CENPW: variants seen among roughly 807,000 people sequenced by gnomAD.
The protein encoded by CENPW is cancer-up-regulated gene 2 protein.
A neutral mutation model predicts 11.1 loss-of-function variants in CENPW; 3 were observed. The observed-to-expected ratio is 0.27, with a 90% CI of 0.12 to 0.70. The LOEUF (loss-of-function observed/expected upper bound fraction) is 0.70, where lower values mean the gene tolerates loss of function less well. CENPW is among the 30% of genes least tolerant of loss of function. The pLI is 0.77. For missense variants in CENPW, 100 were observed against 105.6 expected, an observed-to-expected ratio of 0.95 and a Z score of 0.23; for synonymous variants, 38 against 42.0, an observed-to-expected ratio of 0.91 and a Z score of 0.37.
chr6:126,475,947 CTG>C, the CENPW span, among the ~76,000 whole-genome samples: 1 of 152,058 alleles, frequency 6.6e-6, no homozygotes, highest in South Asian at 2.1e-4. Flanking sequence ...GGGAAACTGT[CTG>C]TGTCACGTTA....
the CENPW span, among the ~76,000 whole-genome samples, chr6:126,413,905 A>C: frequency 6.6e-6 from 1 of 152,074 alleles, no homozygotes; most frequent in South Asian, 2.1e-4. Context: ...TGACCCAACT[A>C]TATGCTACTT....
At chr6:126,432,289 C>CT in the CENPW span, among the ~76,000 whole-genome samples, 3 of 152,006 alleles carry the variant, frequency 2.0e-5, no homozygotes, top group East Asian at 5.8e-4. Context: ...TTAGAAAATA[C>CT]TTTGAGTGTA....
chr6:126,477,307 A>G, the CENPW span, among the ~76,000 whole-genome samples: 15 of 152,100 alleles, frequency 9.9e-5, no homozygotes, highest in African/African-American at 3.6e-4. Flanking sequence ...TAACATTAAT[A>G]ACATGGCAGA....
At chr6:126,451,077 T>G in the CENPW span, among the ~76,000 whole-genome samples, 1 of 151,086 alleles carries the variant, frequency 6.6e-6, no homozygotes, top group African/African-American at 2.4e-5. Flanking sequence ...TAATTCTGTT[T>G]CAGCAAATAT....
chr6:126,378,221 C>T, the CENPW span, among the ~76,000 whole-genome samples: 3 of 152,016 alleles, frequency 2.0e-5, no homozygotes, highest in South Asian at 2.1e-4. Context: ...TTTTGCAGCT[C>T]GAGCATTTGT....
chr6:126,454,537 C>A, the CENPW span, among the ~76,000 whole-genome samples: 2 of 151,254 alleles, frequency 1.3e-5, no homozygotes, highest in South Asian at 4.2e-4. Flanking sequence ...AACAAAGGTA[C>A]AACATACCAG....
chr6:126,377,010 C>A, the CENPW span, among the ~76,000 whole-genome samples: 1 of 152,048 alleles, frequency 6.6e-6, no homozygotes, highest in African/African-American at 2.4e-5. Flanking sequence ...TCAATTAAAT[C>A]ATTTCTTTAA....
chr6:126,360,001 G>T, the CENPW span, among the ~76,000 whole-genome samples: 3 of 152,066 alleles, frequency 2.0e-5, no homozygotes, highest in Non-Finnish European at 4.4e-5. Flanking sequence ...AGACTTGATT[G>T]TGTAGGTGCT....
chr6:126,475,758 CT>C, the CENPW span, among the ~76,000 whole-genome samples: 1 of 151,896 alleles, frequency 6.6e-6, no homozygotes, highest in Non-Finnish European at 1.5e-5. Context: ...GACATAGGGT[CT>C]TTGAAAACAC....
the CENPW span, among the ~76,000 whole-genome samples, chr6:126,388,634 T>C: frequency 6.6e-6 from 1 of 151,940 alleles, no homozygotes; most frequent in African/African-American, 2.4e-5. Flanking sequence ...AGAGAATGCA[T>C]GGGACGTTGC....
the CENPW span, among the ~76,000 whole-genome samples, chr6:126,403,821 AAAC>A: frequency 8.1e-4 from 124 of 152,252 alleles, no homozygotes; most frequent in African/African-American, 2.8e-3. Flanking sequence ...TTGTTACACT[AAAC>A]AACACATTTT....
downstream of CENPW, among the ~76,000 whole-genome samples, chr6:126,352,357 A>G (rs1780501597): frequency 1.3e-5 from 2 of 152,146 alleles, no homozygotes; most frequent in South Asian, 2.1e-4. Flanking sequence ...TGAGTTGCCA[A>G]AATGGCAAAA....
At chr6:126,435,777 T>A in the CENPW span, among the ~76,000 whole-genome samples, 1 of 151,928 alleles carries the variant, frequency 6.6e-6, no homozygotes, top group African/African-American at 2.4e-5. Flanking sequence ...TTTGGACCAC[T>A]GCCCTTCCCA....
the CENPW span, among the ~76,000 whole-genome samples, chr6:126,365,016 A>G: frequency 2.0e-5 from 3 of 152,238 alleles, no homozygotes; most frequent in Non-Finnish European, 4.4e-5. Flanking sequence ...AAAATTGCAC[A>G]TGGCAGGCAT....
the CENPW span, among the ~76,000 whole-genome samples, chr6:126,472,764 C>T: frequency 5.5e-3 from 836 of 152,300 alleles, 12 homozygotes; most frequent in African/African-American, 0.019. Flanking sequence ...AGCTGTTCAG[C>T]ATATGAGAGT....
the CENPW span, among the ~76,000 whole-genome samples, chr6:126,436,388 C>G: frequency 6.6e-6 from 1 of 151,834 alleles, no homozygotes; most frequent in African/African-American, 2.4e-5. Flanking sequence ...GATCACAAAT[C>G]TGTTAGTTGA....
chr6:126,449,490 A>G, the CENPW span, among the ~76,000 whole-genome samples: 1 of 151,008 alleles, frequency 6.6e-6, no homozygotes, highest in South Asian at 2.1e-4. Context: ...TCTTTAGTGT[A>G]TTGCTAACCA....
At chr6:126,482,705 G>T in the CENPW span, among the ~76,000 whole-genome samples, 1 of 151,764 alleles carries the variant, frequency 6.6e-6, no homozygotes, top group South Asian at 2.1e-4. Flanking sequence ...TGTTTCATTT[G>T]TTTACCTTTT....
the CENPW span, among the ~76,000 whole-genome samples, chr6:126,406,325 T>A: frequency 4.8e-4 from 73 of 152,278 alleles, no homozygotes; most frequent in African/African-American, 1.7e-3. Context: ...TTTATTGATA[T>A]GTTGTTGGAT....
Sources: gnomAD v4.1 joint callset for allele counts (sites outside exome capture counted in the v4.1 genomes callset) on GRCh38, gnomAD v4.1.1 for gene constraint, MANE v1.5 for transcripts, NCBI Gene and HGNC (gene_info 2026-07-23, HGNC 2026-07-21) for gene names.